Variants in KIAA1549L observed in about 807,000 individuals in gnomAD.
KIAA1549L encodes KIAA1549 like.
A neutral mutation model predicts 160.7 loss-of-function variants in KIAA1549L; 88 were observed. That is an observed-to-expected ratio of 0.55 (90% CI 0.46 to 0.65). The LOEUF (loss-of-function observed/expected upper bound fraction) is 0.65. Among genes scored for constraint, KIAA1549L ranks in the 30% least tolerant of loss-of-function variants. The pLI is 0.00. For synonymous variants in KIAA1549L, 950 were observed against 976.7 expected (o/e 0.97, Z 0.51); for missense variants, 2,258 against 2,437.5 (o/e 0.93, Z 1.55).
At chr11:33,385,107 A>G (rs1412908459) in intron 1 of KIAA1549L, among the ~76,000 whole-genome samples, 1 of 151,874 alleles carries the variant, frequency 6.6e-6, no homozygotes, top group African/African-American at 2.4e-5. Context: ...TTTTATTTTT[A>G]CTTTTAGGTC....
At chr11:33,588,758 G>A (rs1001790340) in intron 11 of KIAA1549L, among the ~76,000 whole-genome samples, 16 of 152,156 alleles carry the variant, frequency 1.1e-4, no homozygotes, top group Non-Finnish European at 1.3e-4. Context: ...TTTCAGAAAC[G>A]CAGTTCCAGG....
intron 16 of KIAA1549L, among the ~76,000 whole-genome samples, chr11:33,637,396 C>T (rs1311393929): frequency 6.6e-6 from 1 of 152,220 alleles, no homozygotes; most frequent in Non-Finnish European, 1.5e-5. Flanking sequence ...TAAAATTCTT[C>T]AGTAGTTTCC....
At chr11:33,515,814 C>T (rs1448151253) in intron 1 of KIAA1549L, among the ~76,000 whole-genome samples, 1 of 152,144 alleles carries the variant, frequency 6.6e-6, no homozygotes, top group East Asian at 1.9e-4. Context: ...AGAAAAGTAA[C>T]GTGATGCATC....
At chr11:33,594,284 C>T (rs1231461611) in intron 12 of KIAA1549L, among the ~76,000 whole-genome samples, 1 of 151,752 alleles carries the variant, frequency 6.6e-6, no homozygotes, top group Non-Finnish European at 1.5e-5. Flanking sequence ...CAAAGCACTC[C>T]AAAGCTTAAT....
At chr11:33,564,770 C>G (rs1277024395) in intron 8 of KIAA1549L, among the ~76,000 whole-genome samples, 4 of 152,116 alleles carry the variant, frequency 2.6e-5, no homozygotes, top group Non-Finnish European at 5.9e-5. Flanking sequence ...GCCATGTGGA[C>G]TTCACATTCT....
rs184501150 is a variant in KIAA1549L, at chr11:33,658,680, G to T, written c.5859-70G>T. On this transcript the variant is annotated intron_variant, in intron 18 of 20. Coordinates refer to ENST00000658780, the MANE Select transcript of KIAA1549L (RefSeq NM_012194.3). ...TGTCCATGCCCAAAGGTGACGGGGC[G>T]CACTCCTCCTGCTCGGGACGCCGCC... 6.6e-5 allele frequency: 98 copies of T among 1,486,620 alleles called. No individual in the cohort carries two copies. The African/African-American group carries it at 1.2e-3, about 18-fold the overall frequency. The allele number at this position is 1,486,620 out of a possible 1,614,324, so 92.1% of individuals were successfully genotyped here.
intron 20 of KIAA1549L, among the ~76,000 whole-genome samples, chr11:33,666,176 T>A (rs1852444915): frequency 6.6e-6 from 1 of 152,000 alleles, no homozygotes; most frequent in Non-Finnish European, 1.5e-5. Context: ...GGCTCCTGCC[T>A]GCTCCATAGA....
intron 15 of KIAA1549L, among the ~76,000 whole-genome samples, chr11:33,613,235 T>C (rs1334249321): frequency 6.6e-6 from 1 of 152,164 alleles, no homozygotes; most frequent in African/African-American, 2.4e-5. Context: ...TGTATAAGAG[T>C]TCCCTTTTTC....
At position 33,568,176 on chromosome 11, in the gene KIAA1549L, A is replaced by G; in HGVS notation, c.4179A>G (p.Gln1393=). 1 of 1,613,750 alleles carries G rather than the reference A, an allele frequency of 6.2e-7. No individual in the cohort carries two copies. Among genetic ancestry groups the G allele is most frequent in the South Asian group, 1.1e-5 (1 of 91,018 alleles). ...CCCAGCTATTCATGATGTCCCAGCA[A>G]CAAGGCCGGCGGTTTAAACGGGCCA... ...RLAQLFMMSQ[Q]QGRRFKRATT... is the part of the protein sequence containing the mutation. The change falls in exon 9 of 21, where the codon CAA becomes CAG. Residue 1393 remains glutamine (Q), a synonymous_variant. Transcript: ENST00000658780.
intron 11 of KIAA1549L, among the ~76,000 whole-genome samples, chr11:33,585,518 CAAAAAATAAAAAAAT>C (rs1232431010): frequency 1.3e-5 from 2 of 151,364 alleles, no homozygotes; most frequent in East Asian, 3.9e-4. Flanking sequence ...AACTCCGTCT[CAAAAAATAAAAAAAT>C]AAAAAATAAA....
intron 3 of KIAA1549L, 139 bp from the exon 4 acceptor site, chr11:33,547,625 G>T: frequency 1.7e-6 from 1 of 604,094 alleles, no homozygotes; most frequent in Non-Finnish European, 3.0e-6. Flanking sequence ...CCACCCCAGC[G>T]CACCCCCTCA....
chr11:33,521,246 C>T (rs977153772), intron 1 of KIAA1549L, among the ~76,000 whole-genome samples: 2 of 152,162 alleles, frequency 1.3e-5, no homozygotes, highest in Non-Finnish European at 2.9e-5. Context: ...GGGTAGGGAC[C>T]TCATCTTACG....
Position 33,543,045 on chromosome 11 carries a change from A to C in KIAA1549L, c.1482A>C (p.Pro494=), listed in dbSNP as rs756747967. 3 of 1,613,910 alleles carry C rather than the reference A, an allele frequency of 1.9e-6. No homozygotes were observed. In the South Asian group the frequency reaches 3.3e-5, roughly 18 times the overall value. The part of the protein sequence containing the change: ...AILSGAVPAS[P]STGTADFPSI... ...TTTCTGGGGCGGTTCCCGCATCACC[A>C]TCAACTGGGACAGCCGACTTTCCCT... Residue 494 remains proline, a synonymous_variant, in exon 2 of 21, where the codon CCA becomes CCC. Transcript: ENST00000658780.
At chr11:33,432,270 C>G (rs748778400) in intron 1 of KIAA1549L, among the ~76,000 whole-genome samples, 1 of 152,190 alleles carries the variant, frequency 6.6e-6, no homozygotes, top group Non-Finnish European at 1.5e-5. Context: ...CGAGAGCAAA[C>G]GAGGGCTGTG....
intron 1 of KIAA1549L, among the ~76,000 whole-genome samples, chr11:33,472,996 A>C (rs1852211896): frequency 6.6e-6 from 1 of 152,200 alleles, no homozygotes; most frequent in Admixed American, 6.5e-5. Flanking sequence ...GCCACCCTGT[A>C]GTGACCAAAC....
Position 33,639,051 on chromosome 11 carries a change from C to T in KIAA1549L, c.5410-6635C>T, listed in dbSNP as rs117364906. Among the ~76,000 whole-genome samples the T allele has an allele frequency of 8.9e-3, 1,348 of 152,246 alleles. 15 individuals carry two copies. The highest frequency in any genetic ancestry group is 0.014 in the Non-Finnish European group (932 of 68,016). Reference sequence around the variant, plus strand: ...TATTTTCTTGTGGTTGGTAGCTTGTCTTTCCATTAGTTGTCTGATAAGATA... The same window carrying T: ...TATTTTCTTGTGGTTGGTAGCTTGTTTTTCCATTAGTTGTCTGATAAGATA... On this transcript the variant is annotated intron_variant, in intron 16 of 20. Transcript: ENST00000658780.
rs754489865 is a variant in KIAA1549L, at chr11:33,645,965, C to T, written c.5689C>T (p.Arg1897Trp). Residue 1897 changes from arginine (R) to tryptophan (W), a missense_variant, in exon 17 of 21, where the codon CGG (arginine) becomes TGG (tryptophan). Arg to Trp is a moderately radical substitution (Grantham distance 101). Coordinates refer to ENST00000658780, the MANE Select transcript of KIAA1549L (RefSeq NM_012194.3). ...GACCAGCGCTCCGGGGACCATGACG[C>T]GGCCCAGGGCCGGGGTGCAGTGGGT... ...VVTSAPGTMT[R>W]PRAGVQWVPT... 1.9e-6 allele frequency: 3 copies of T among 1,612,122 alleles called. No homozygotes were observed. Among genetic ancestry groups the T allele is most frequent in the East Asian group, 2.2e-5 (1 of 44,800 alleles).
At chr11:33,629,838 C>A (rs1053965211) in intron 16 of KIAA1549L, among the ~76,000 whole-genome samples, 1 of 149,936 alleles carries the variant, frequency 6.7e-6, no homozygotes, top group East Asian at 1.9e-4. Flanking sequence ...TGAGGAACTG[C>A]GTTCCTTTGG....
chr11:33,591,316 A>G lies in KIAA1549L; in HGVS notation c.4646A>G (p.Glu1549Gly), dbSNP rs1214069896. 13 of 1,612,920 alleles carry G rather than the reference A, an allele frequency of 8.1e-6. No individual in the cohort carries two copies. The highest frequency in any genetic ancestry group is 1.7e-4 in the Middle Eastern group (1 of 6,056). The part of the protein sequence containing the change: ...ADEEVIPVTQ[E>G]TVVLPLPIRD... ...GAGGAGGTCATCCCTGTGACTCAGG[A>G]GACAGTGGTTCTCCCACTGCCCATT... Residue 1549 changes from glutamate (E) to glycine (G), a missense_variant, in exon 12 of 21, where the codon GAG becomes GGG. This residue lies in a region of KIAA1549L where 1,359 missense variants were observed against 1,546.6 expected (regional missense o/e 0.88). Coordinates refer to ENST00000658780, the MANE Select transcript of KIAA1549L (RefSeq NM_012194.3).
Sources: gnomAD v4.1 joint callset for allele counts (sites outside exome capture counted in the v4.1 genomes callset) on GRCh38, gnomAD v4.1.1 for gene constraint, gnomAD v4.1.1 regional missense constraint, MANE v1.5 for transcripts, NCBI Gene and HGNC (gene_info 2026-07-23, HGNC 2026-07-21) for gene names.